The following ADCY8 variants were observed in gnomAD, a reference collection of about 807,000 sequenced individuals.
The protein encoded by ADCY8 is adenylate cyclase 8.
In ADCY8, 51 loss-of-function variants were observed where a neutral mutation model predicts 119.7. The observed-to-expected ratio is 0.43, with a 90% CI of 0.34 to 0.54. The LOEUF is 0.54. Ranked by LOEUF, ADCY8 falls within the 20% of genes least tolerant of loss-of-function variation. ADCY8 has a pLI of 0.03. For missense variants in ADCY8, 1,383 were observed against 1,598.8 expected (o/e 0.87, Z 2.30); for synonymous variants, 665 against 651.0 (o/e 1.02, Z -0.33).
intron 2 of ADCY8, among the ~76,000 whole-genome samples, chr8:130,957,975 A>C (rs1821482283): frequency 6.6e-6 from 1 of 152,196 alleles, no homozygotes; most frequent in Non-Finnish European, 1.5e-5. Context: ...GCAGAAGGGA[A>C]ATGTGGGGTC....
Position 130,807,755 on chromosome 8 carries a change from C to T in ADCY8, c.2913+6314G>A, listed in dbSNP as rs1358848236. On this transcript the variant is annotated intron_variant, in intron 14 of 17. Coordinates refer to ENST00000286355, the MANE Select transcript of ADCY8 (RefSeq NM_001115.3). ...ATCCCAGCACTTTGGGAGGCCGAGG[C>T]GGGCGGATCACGAGGTCAGGAGATC... Among the ~76,000 whole-genome samples, 7 of 151,782 alleles carry T rather than the reference C, an allele frequency of 4.6e-5. No homozygotes were observed. In the South Asian group the frequency reaches 8.4e-4, roughly 18 times the overall value.
rs749542311 is a variant in ADCY8, at chr8:130,851,700, G to T, written c.2211-1897C>A. 4.7e-4 allele frequency among the ~76,000 whole-genome samples: 71 copies of T among 152,124 alleles called. 1 individual carries two copies. The highest frequency in any genetic ancestry group is 1.4e-3 in the Admixed American group (21 of 15,264). The stretch of plus-strand genomic sequence containing the variant: ...GGGGGGTGCAGGGAAAGATGTGGAG[G>T]TATATTAATCTGTGTTTTGTATGTA... On this transcript the variant is annotated intron_variant, in intron 9 of 17. Coordinates refer to ENST00000286355, the MANE Select transcript of ADCY8 (RefSeq NM_001115.3).
intron 2 of ADCY8, among the ~76,000 whole-genome samples, chr8:130,953,575 T>C (rs542190447): frequency 6.6e-6 from 1 of 152,314 alleles, no homozygotes; most frequent in Admixed American, 6.5e-5. Flanking sequence ...AGTCTTGGAT[T>C]GAGTCTGATG....
intron 2 of ADCY8, among the ~76,000 whole-genome samples, chr8:130,987,671 C>T (rs969406133): frequency 1.3e-5 from 2 of 152,126 alleles, no homozygotes; most frequent in Non-Finnish European, 2.9e-5. Flanking sequence ...ACAGCATCTC[C>T]TTCACAGGGT....
chr8:131,039,728 G>A lies in ADCY8; in HGVS notation c.606C>T (p.Ser202=), dbSNP rs1824300414. The change falls in exon 1 of 18, where the codon AGC becomes AGT. Residue 202 remains serine (S), a synonymous_variant. Coordinates refer to ENST00000286355, the MANE Select transcript of ADCY8 (RefSeq NM_001115.3). ...GCGGGTCCATGGGGGCCGAGGCCAG[G>A]CTCAAGTGTAGGACCAAGAGAGTGA... is the stretch of plus-strand genomic sequence containing the variant. ...TKLTLLVLHL[S]LASAPMDPLK... 6.2e-7 allele frequency: 1 copy of A among 1,613,988 alleles called. No homozygotes were observed. The highest frequency in any genetic ancestry group is 1.3e-5 in the African/African-American group (1 of 74,908).
At chr8:130,879,221 G>C (rs1037642892) in intron 8 of ADCY8, among the ~76,000 whole-genome samples, 9 of 152,116 alleles carry the variant, frequency 5.9e-5, no homozygotes, top group Non-Finnish European at 1.0e-4. Context: ...TCTGAAAATG[G>C]AAGGGCCCAA....
intron 15 of ADCY8, among the ~76,000 whole-genome samples, chr8:130,797,251 C>A (rs1179381515): frequency 6.6e-6 from 1 of 151,984 alleles, no homozygotes; most frequent in Non-Finnish European, 1.5e-5. Flanking sequence ...TTTTTAAAGC[C>A]CATCAGCTAT....
chr8:130,864,607 C>A (rs1818051078), intron 9 of ADCY8, among the ~76,000 whole-genome samples: 1 of 152,214 alleles, frequency 6.6e-6, no homozygotes, highest in Admixed American at 6.5e-5. Context: ...GTCTTCAAGC[C>A]TACTGATTAT....
intron 1 of ADCY8, among the ~76,000 whole-genome samples, chr8:130,999,325 C>G (rs1822872153): frequency 1.3e-5 from 2 of 152,192 alleles, no homozygotes; most frequent in Admixed American, 1.3e-4. Flanking sequence ...TCCCTCCTCA[C>G]TTTCCCCTTC....
intron 2 of ADCY8, among the ~76,000 whole-genome samples, chr8:130,974,814 C>T (rs528153747): frequency 6.6e-6 from 1 of 152,304 alleles, no homozygotes; most frequent in African/African-American, 2.4e-5. Flanking sequence ...TTCTTAGCTA[C>T]TTCTGCTTTT....
At chr8:130,813,359 T>C (rs1224929514) in intron 14 of ADCY8, among the ~76,000 whole-genome samples, 1 of 152,158 alleles carries the variant, frequency 6.6e-6, no homozygotes, top group Admixed American at 6.5e-5. Context: ...AAACTGAAAT[T>C]CTTTGCACTC....
chr8:130,817,471 A>C (rs1314203318), intron 13 of ADCY8, among the ~76,000 whole-genome samples: 1 of 152,222 alleles, frequency 6.6e-6, no homozygotes, highest in East Asian at 1.9e-4. Context: ...ACTTTTAATT[A>C]TGTCTTGTTT....
At chr8:130,849,077 C>T (rs1219906605) in intron 10 of ADCY8, among the ~76,000 whole-genome samples, 4 of 152,132 alleles carry the variant, frequency 2.6e-5, no homozygotes, top group East Asian at 1.9e-4. Context: ...CCACCCCACT[C>T]CCACTCCCAG....
chr8:130,867,282 A>G (rs1330299437), intron 9 of ADCY8, among the ~76,000 whole-genome samples: 1 of 152,172 alleles, frequency 6.6e-6, no homozygotes, highest in African/African-American at 2.4e-5. Flanking sequence ...TCTAGGCAGT[A>G]ACATCTTGAA....
chr8:131,020,059 C>G (rs1823616036), intron 1 of ADCY8, among the ~76,000 whole-genome samples: 1 of 152,006 alleles, frequency 6.6e-6, no homozygotes, highest in Non-Finnish European at 1.5e-5. Context: ...TGGCATAGGT[C>G]TTTCAAAGAA....
In ADCY8 at chr8:130,864,650, C is replaced by T. The variant is rs183678050; in HGVS notation, c.2210+3196G>A. 1.2e-3 allele frequency among the ~76,000 whole-genome samples: 183 copies of T among 152,276 alleles called. 5 individuals are homozygous for T. The highest frequency in any genetic ancestry group is 0.012 in the Admixed American group (181 of 15,300). ...GCCTTTCTGAGCCTACTATTGAGCC[C>T]ATTGAAGGCATTCATTATTTCTGTT... On this transcript the variant is annotated intron_variant, in intron 9 of 17. Transcript: ENST00000286355.
intron 5 of ADCY8, 83 bp downstream of exon 5, chr8:130,936,990 T>A: frequency 1.4e-6 from 2 of 1,461,342 alleles, no homozygotes; most frequent in Non-Finnish European, 1.8e-6. Context: ...ACCATACATA[T>A]GATTTACCAC....
intron 1 of ADCY8, among the ~76,000 whole-genome samples, chr8:131,029,118 G>A (rs929972738): frequency 6.6e-6 from 1 of 152,196 alleles, no homozygotes; most frequent in African/African-American, 2.4e-5. Context: ...GGTGGCATTA[G>A]ATTCTCATAG....
chr8:130,803,456 T>C (rs1385489291), intron 14 of ADCY8, among the ~76,000 whole-genome samples: 2 of 152,370 alleles, frequency 1.3e-5, no homozygotes, highest in East Asian at 1.9e-4. Flanking sequence ...ACTCCAATTA[T>C]GTATCATGCG....
Sources: gnomAD v4.1 joint callset for allele counts (sites outside exome capture counted in the v4.1 genomes callset) on GRCh38, gnomAD v4.1.1 for gene constraint, MANE v1.5 for transcripts, NCBI Gene and HGNC (gene_info 2026-07-23, HGNC 2026-07-21) for gene names.